The following MAF variants were observed in gnomAD, a reference collection of about 807,000 sequenced individuals.
MAF encodes MAF bZIP transcription factor.
A neutral mutation model predicts 22.0 loss-of-function variants in MAF; 10 were observed. The observed-to-expected ratio is 0.45, with a 90% CI of 0.28 to 0.77. The LOEUF (loss-of-function observed/expected upper bound fraction) is 0.77. Among genes scored for constraint, MAF ranks in the 30% least tolerant of loss-of-function variants. The pLI, the probability that MAF is intolerant of heterozygous loss-of-function variation, is 0.12. For synonymous variants in MAF, 337 were observed against 255.8 expected, an observed-to-expected ratio of 1.32 and a Z score of -3.03; for missense variants, 544 against 548.4, an observed-to-expected ratio of 0.99 and a Z score of 0.08.
the MAF span, among the ~76,000 whole-genome samples, chr16:79,490,325 A>G: frequency 1.3e-5 from 2 of 152,154 alleles, no homozygotes; most frequent in South Asian, 4.2e-4. Context: ...ACATCACCCC[A>G]GAGACTGAGA....
the MAF span, among the ~76,000 whole-genome samples, chr16:79,407,251 ACC>A: frequency 1.3e-5 from 2 of 151,910 alleles, no homozygotes; most frequent in Non-Finnish European, 2.9e-5. Flanking sequence ...GCCATCATTA[ACC>A]CACCTCCAGA....
the MAF span, among the ~76,000 whole-genome samples, chr16:79,500,549 T>C: frequency 6.6e-6 from 1 of 152,142 alleles, no homozygotes; most frequent in African/African-American, 2.4e-5. Flanking sequence ...CCACTGTTTC[T>C]TCACACCACG....
chr16:79,247,655 C>T, the MAF span, among the ~76,000 whole-genome samples: 1 of 152,196 alleles, frequency 6.6e-6, no homozygotes, highest in Non-Finnish European at 1.5e-5. Flanking sequence ...GGTCTTACCA[C>T]TGTCAACCCA....
the MAF span, among the ~76,000 whole-genome samples, chr16:79,304,667 C>T: frequency 6.6e-6 from 1 of 152,066 alleles, no homozygotes; most frequent in African/African-American, 2.4e-5. Flanking sequence ...AAACATCAAG[C>T]CAGACAACCA....
the MAF span, among the ~76,000 whole-genome samples, chr16:79,448,015 A>G: frequency 6.6e-6 from 1 of 152,176 alleles, no homozygotes; most frequent in Non-Finnish European, 1.5e-5. Flanking sequence ...AAGAAAAAAG[A>G]AAGTGTCTTC....
chr16:79,547,893 T>C, the MAF span, among the ~76,000 whole-genome samples: 298 of 55,978 alleles, frequency 5.3e-3, no homozygotes, highest in Middle Eastern at 0.033. Context: ...TGTGTGTGTG[T>C]GTGTGTGTGA....
downstream of MAF, among the ~76,000 whole-genome samples, chr16:79,589,719 C>T (rs1017389577): frequency 2.0e-5 from 3 of 152,178 alleles, no homozygotes; most frequent in African/African-American, 7.2e-5. Context: ...TTTGATATCC[C>T]CCGGAGCTCG....
the MAF span, among the ~76,000 whole-genome samples, chr16:79,220,423 T>C: frequency 1.1e-4 from 17 of 152,202 alleles, no homozygotes; most frequent in Admixed American, 3.3e-4. Context: ...ATGTATCTTG[T>C]AGTTTTCATT....
At chr16:79,490,335 A>G in the MAF span, among the ~76,000 whole-genome samples, 1 of 152,206 alleles carries the variant, frequency 6.6e-6, no homozygotes, top group Non-Finnish European at 1.5e-5. Flanking sequence ...AGAGACTGAG[A>G]TCCATCAAAA....
the MAF span, chr16:79,211,459 C>G: frequency 8.3e-6 from 8 of 962,158 alleles, no homozygotes; most frequent in South Asian, 9.9e-5. Context: ...CAGTCATGTG[C>G]TTTCAGCCCA....
At chr16:79,467,939 T>TG in the MAF span, among the ~76,000 whole-genome samples, 8 of 138,616 alleles carry the variant, frequency 5.8e-5, no homozygotes, top group East Asian at 2.2e-4. Flanking sequence ...GTGGTGGTCG[T>TG]GGGGGGGTGG....
At chr16:79,405,246 G>T in the MAF span, among the ~76,000 whole-genome samples, 1 of 152,182 alleles carries the variant, frequency 6.6e-6, no homozygotes, top group African/African-American at 2.4e-5. Context: ...CCTTTGAGGT[G>T]TCTCCCTATG....
chr16:79,359,694 T>C, the MAF span, among the ~76,000 whole-genome samples: 103 of 152,206 alleles, frequency 6.8e-4, no homozygotes, highest in East Asian at 3.9e-3. Context: ...TTTTACTTTG[T>C]AGCCAAGAGC....
chr16:79,327,432 G>A, the MAF span, among the ~76,000 whole-genome samples: 1 of 152,096 alleles, frequency 6.6e-6, no homozygotes, highest in Non-Finnish European at 1.5e-5. Context: ...AGTCTCTCTT[G>A]GAGGCAGATG....
At chr16:79,330,921 C>CA in the MAF span, among the ~76,000 whole-genome samples, 1 of 152,196 alleles carries the variant, frequency 6.6e-6, no homozygotes, top group Non-Finnish European at 1.5e-5. Flanking sequence ...AGCCACCTTC[C>CA]TTATTGGACA....
the MAF span, among the ~76,000 whole-genome samples, chr16:79,430,584 A>G: frequency 6.6e-6 from 1 of 152,190 alleles, no homozygotes; most frequent in Non-Finnish European, 1.5e-5. Context: ...GGCACAGAGC[A>G]CATTTGCAGG....
the MAF span, among the ~76,000 whole-genome samples, chr16:79,574,778 A>G: frequency 5.3e-5 from 8 of 152,280 alleles, no homozygotes; most frequent in African/African-American, 1.9e-4. Context: ...CTTGCTTATA[A>G]AGAATAGCAT....
chr16:79,504,514 T>C, the MAF span, among the ~76,000 whole-genome samples: 3 of 152,236 alleles, frequency 2.0e-5, no homozygotes, highest in Admixed American at 6.5e-5. Flanking sequence ...GGGAATCCCA[T>C]GTAACATAAT....
At chr16:79,217,695 A>C in the MAF span, among the ~76,000 whole-genome samples, 31 of 152,190 alleles carry the variant, frequency 2.0e-4, no homozygotes, top group South Asian at 4.6e-3. Context: ...TCTCTCCCTA[A>C]GTTTCTTTCA....
Sources: allele counts gnomAD v4.1 joint callset (sites outside exome capture counted in the v4.1 genomes callset), GRCh38; gene constraint gnomAD v4.1.1; transcripts MANE v1.5; gene names NCBI Gene and HGNC (gene_info 2026-07-23, HGNC 2026-07-21).